The following CATSPERT variants were observed in gnomAD, a reference collection of about 807,000 sequenced individuals.
The protein encoded by CATSPERT is cation channel sperm-associated targeting subunit tau.
chr2:201,534,572 G>C, the CATSPERT span: 18 of 982,970 alleles, frequency 1.8e-5, no homozygotes, highest in African/African-American at 3.3e-4. Flanking sequence ...CAAAGGACAT[G>C]ATCTGTCTAC....
the CATSPERT span, among the ~76,000 whole-genome samples, chr2:201,609,246 G>C: frequency 6.6e-6 from 1 of 152,112 alleles, no homozygotes; most frequent in African/African-American, 2.4e-5. Context: ...AATATCTGGG[G>C]ACTTTAACAC....
At chr2:201,604,728 G>A in the CATSPERT span, 3 of 1,499,932 alleles carry the variant, frequency 2.0e-6, no homozygotes, top group Non-Finnish European at 2.7e-6. Flanking sequence ...GATTTGGGAA[G>A]AGAAAGACAA....
chr2:201,535,583 T>C, the CATSPERT span: 1 of 1,040,010 alleles, frequency 9.6e-7, no homozygotes, highest in Non-Finnish European at 1.2e-6. Flanking sequence ...GTTATTGTCG[T>C]TACACTTTCA....
chr2:201,492,427 T>G, the CATSPERT span: 1 of 1,532,334 alleles, frequency 6.5e-7, no homozygotes, highest in South Asian at 1.2e-5. Flanking sequence ...AGCTATCAGA[T>G]AGTTTTGTAG....
the CATSPERT span, among the ~76,000 whole-genome samples, chr2:201,560,423 AAATAATAATAAT>A: frequency 2.8e-3 from 350 of 126,456 alleles, 1 homozygote; most frequent in African/African-American, 6.9e-3. Context: ...ACTCTGTCTC[AAATAATAATAAT>A]AATAATAATA....
At chr2:201,530,057 T>C in the CATSPERT span, among the ~76,000 whole-genome samples, 28 of 152,234 alleles carry the variant, frequency 1.8e-4, no homozygotes, top group East Asian at 5.0e-3. Context: ...CAATATGATA[T>C]CATTTCATGC....
At chr2:201,524,654 C>G in the CATSPERT span, among the ~76,000 whole-genome samples, 3 of 152,174 alleles carry the variant, frequency 2.0e-5, no homozygotes, top group Non-Finnish European at 4.4e-5. Flanking sequence ...TAATGTGCCT[C>G]CACTTAAAAG....
chr2:201,577,397 C>T, the CATSPERT span, among the ~76,000 whole-genome samples: 10 of 152,088 alleles, frequency 6.6e-5, no homozygotes, highest in East Asian at 3.9e-4. Flanking sequence ...AATCTCACTT[C>T]GAGTATACAT....
chr2:201,549,290 A>G, the CATSPERT span, among the ~76,000 whole-genome samples: 4 of 152,084 alleles, frequency 2.6e-5, no homozygotes, highest in African/African-American at 9.7e-5. Flanking sequence ...TATATACAAC[A>G]TGAAACACCA....
At chr2:201,567,156 T>C in the CATSPERT span, among the ~76,000 whole-genome samples, 1 of 152,202 alleles carries the variant, frequency 6.6e-6, no homozygotes, top group Admixed American at 6.5e-5. Flanking sequence ...ATATGCTCTT[T>C]CTTAAGTGTT....
the CATSPERT span, among the ~76,000 whole-genome samples, chr2:201,542,145 A>T: frequency 2.7e-5 from 4 of 146,112 alleles, no homozygotes; most frequent in African/African-American, 7.4e-5. Context: ...GTATAGTGTA[A>T]ATGTAATGTT....
the CATSPERT span, chr2:201,491,322 C>T: frequency 6.5e-7 from 1 of 1,537,734 alleles, no homozygotes; most frequent in Non-Finnish European, 8.7e-7. Flanking sequence ...CTTTTCGGAC[C>T]TTGGGTTTTA....
At chr2:201,566,703 C>A in the CATSPERT span, among the ~76,000 whole-genome samples, 4 of 152,040 alleles carry the variant, frequency 2.6e-5, no homozygotes, top group African/African-American at 7.2e-5. Flanking sequence ...GATTTATAAT[C>A]CTTTGGGTAT....
the CATSPERT span, among the ~76,000 whole-genome samples, chr2:201,580,936 A>G: frequency 6.6e-6 from 1 of 152,236 alleles, no homozygotes; most frequent in African/African-American, 2.4e-5. Flanking sequence ...CTAAGGATGA[A>G]AGAACTAAAC....
the CATSPERT span, among the ~76,000 whole-genome samples, chr2:201,510,635 A>T: frequency 2.0e-5 from 3 of 152,218 alleles, no homozygotes; most frequent in Non-Finnish European, 2.9e-5. Flanking sequence ...CTATAGGGAA[A>T]AGGTAATAAA....
the CATSPERT span, among the ~76,000 whole-genome samples, chr2:201,592,375 C>T: frequency 4.3e-3 from 601 of 141,382 alleles, 5 homozygotes; most frequent in African/African-American, 0.015. Flanking sequence ...CTGCTGGATT[C>T]GGTTTGCCAG....
At chr2:201,582,193 G>T in the CATSPERT span, 16 of 1,597,182 alleles carry the variant, frequency 1.0e-5, no homozygotes, top group East Asian at 3.6e-4. Context: ...ATATTATTCC[G>T]CTTATCATCA....
the CATSPERT span, among the ~76,000 whole-genome samples, chr2:201,545,219 A>G: frequency 2.6e-5 from 4 of 151,634 alleles, no homozygotes; most frequent in African/African-American, 9.7e-5. Context: ...TTGTATTTTT[A>G]GTAGAGACAG....
At chr2:201,590,192 G>A in the CATSPERT span, among the ~76,000 whole-genome samples, 2 of 149,030 alleles carry the variant, frequency 1.3e-5, no homozygotes, top group African/African-American at 5.0e-5. Context: ...GTGTCCATGT[G>A]TTCTCATTGT....
Sources: gnomAD v4.1 joint callset for allele counts (sites outside exome capture counted in the v4.1 genomes callset) on GRCh38, gnomAD v4.1.1 for gene constraint, MANE v1.5 for transcripts, NCBI Gene and HGNC (gene_info 2026-07-23, HGNC 2026-07-21) for gene names.